The following KLK15 variants were observed in gnomAD, a reference collection of about 807,000 sequenced individuals.
The protein encoded by KLK15 is kallikrein related peptidase 15, also known as kallikrein-15.
KLK15 carries 19 observed loss-of-function variants against 21.1 expected under a neutral mutation model. That is an observed-to-expected ratio of 0.90 (90% confidence interval 0.63 to 1.32). The LOEUF is 1.32. KLK15 is among the 40% of genes most tolerant of loss of function. The pLI, the probability that KLK15 is intolerant of heterozygous loss-of-function variation, is 0.00. For missense variants in KLK15, 345 were observed against 348.6 expected (o/e 0.99, Z 0.08); for synonymous variants, 141 against 141.5 (o/e 1.00, Z 0.03).
chr19:50,831,815 C>T (rs1301129559), upstream of KLK15, among the ~76,000 whole-genome samples: 1 of 143,136 alleles, frequency 7.0e-6, no homozygotes, highest in Non-Finnish European at 1.5e-5. Context: ...CCTGTCCCAA[C>T]TTTTTTTTTT....
intron 1 of KLK15, among the ~76,000 whole-genome samples, chr19:50,829,665 C>G (rs2089947850): frequency 6.6e-6 from 1 of 151,436 alleles, no homozygotes; most frequent in African/African-American, 2.4e-5. Flanking sequence ...AATAAAAATA[C>G]AAAAATCAGC....
chr19:50,831,979 T>C (rs926164095), upstream of KLK15, among the ~76,000 whole-genome samples: 2 of 151,656 alleles, frequency 1.3e-5, no homozygotes, highest in Non-Finnish European at 2.9e-5. Flanking sequence ...GCCCGGCTAA[T>C]TTTTTGGAAA....
At chr19:50,832,322 CTTTTTT>C (rs773163899), upstream of KLK15, among the ~76,000 whole-genome samples, 8 of 109,440 alleles carry the variant, frequency 7.3e-5, no homozygotes, top group Non-Finnish European at 1.3e-4. Flanking sequence ...CTTTTTTTTT[CTTTTTT>C]TTTTTTTTTT....
chr19:50,827,604 T>G, intron 2 of KLK15, 58 bp downstream of exon 3: 5 of 1,557,804 alleles, frequency 3.2e-6, no homozygotes, highest in Non-Finnish European at 4.4e-6. Flanking sequence ...CCCCCAAATC[T>G]AGGAGCTCTT....
chr19:50,829,881 G>A (rs2089952662), intron 1 of KLK15, among the ~76,000 whole-genome samples: 2 of 151,750 alleles, frequency 1.3e-5, no homozygotes, highest in East Asian at 3.9e-4. Context: ...AAGACATTTT[G>A]TAGAGTTAGA....
chr19:50,827,069 C>T lies in KLK15; in HGVS notation c.290G>A (p.Arg97His), dbSNP rs142207435. 1,370 of 1,606,384 alleles carry T rather than the reference C, an allele frequency of 8.5e-4. 11 individuals are homozygous for T. The African/African-American group carries it at 0.015, about 18-fold the overall frequency. ...GTTGCGGTGGCTGCGCGCTTCGTAG[C>T]GCGGGTGTGGAATGACCCGAGACGT... The change falls in exon 3 of 5, where the codon CGC becomes CAC. Residue 97 changes from arginine (R) to histidine (H), a missense_variant. By Grantham distance (29) the Arg-to-His change is conservative. Coordinates refer to ENST00000598239, the Ensembl canonical transcript of KLK15.
chr19:50,827,890 C>T, intron 1 of KLK15, 75 bp from the exon 3 acceptor site: 1 of 1,412,230 alleles, frequency 7.1e-7, no homozygotes. Context: ...GCACCCTGCC[C>T]TAACTACTAT....
upstream of KLK15, among the ~76,000 whole-genome samples, chr19:50,832,326 T>TTC (rs780158033): frequency 0.024 from 1,469 of 61,158 alleles, 26 homozygotes; most frequent in African/African-American, 0.044. Flanking sequence ...TTTTTTCTTT[T>TTC]TTTTTTTTTT....
At chr19:50,827,219 T>C in intron 2 of KLK15, 58 bp from the exon 4 acceptor site, 1 of 1,503,128 alleles carries the variant, frequency 6.7e-7, no homozygotes, top group South Asian at 1.3e-5. Flanking sequence ...TACCCGCAAG[T>C]AGAGGACAGA....
At chr19:50,828,152 G>T (rs372714924) in intron 1 of KLK15, among the ~76,000 whole-genome samples, 4 of 151,500 alleles carry the variant, frequency 2.6e-5, no homozygotes, top group African/African-American at 9.7e-5. Context: ...CACCATGTTA[G>T]CCAGGGTAGT....
intron 1 of KLK15, among the ~76,000 whole-genome samples, chr19:50,829,680 C>T (rs1035527791): frequency 1.3e-5 from 2 of 151,666 alleles, no homozygotes; most frequent in Non-Finnish European, 1.5e-5. Context: ...ATCAGCTGGG[C>T]GTGGTGGTGC....
At chr19:50,831,104 G>A (rs1164756466) in intron 1 of KLK15, 2 of 215,350 alleles carry the variant, frequency 9.3e-6, no homozygotes, top group East Asian at 9.1e-5. Context: ...TCAAGTGGGT[G>A]CTGTCTTATA....
exon 4 of KLK15, chr19:50,826,690 G>A (rs950357710): frequency 1.2e-6 from 2 of 1,613,928 alleles, no homozygotes; most frequent in Admixed American, 3.3e-5. Context: ...GCCCTGGGTA[G>A]CTCTTGTCAC....
In KLK15 at chr19:50,830,308, C is replaced by T. The variant is rs556336453; in HGVS notation, c.43+1142G>A. Among the ~76,000 whole-genome samples, 112 of 151,966 alleles carry T rather than the reference C, an allele frequency of 7.4e-4. 2 individuals carry two copies. Among genetic ancestry groups the T allele is most frequent in the African/African-American group, 2.5e-3 (105 of 41,526 alleles). On this transcript the variant is annotated intron_variant, in intron 1 of 4. Transcript: ENST00000598239. ...TTGAAGCCATGCACACTCCCACCCA[C>T]ACAGGGGCAGGATTTGCACAGCCAG...
exon 3 of KLK15, chr19:50,826,973 G>C: frequency 6.2e-7 from 1 of 1,606,478 alleles, no homozygotes; most frequent in Non-Finnish European, 8.5e-7. Context: ...GGGGCAACGC[G>C]TGGGTAGCAC....
chr19:50,831,878 G>A (rs144490625), upstream of KLK15, among the ~76,000 whole-genome samples: 5,120 of 150,788 alleles, frequency 0.034, 291 homozygotes, highest in African/African-American at 0.12. Flanking sequence ...GTGGCACAAT[G>A]TCGGCTCACT....
intron 1 of KLK15, among the ~76,000 whole-genome samples, chr19:50,829,657 T>A (rs1170030730): frequency 6.6e-6 from 1 of 151,326 alleles, no homozygotes; most frequent in East Asian, 1.9e-4. Flanking sequence ...AATAAATAAA[T>A]AAAAATACAA....
At chr19:50,825,661 C>T (rs551453207), downstream of KLK15, 37 of 843,756 alleles carry the variant, frequency 4.4e-5, no homozygotes, top group Non-Finnish European at 5.5e-5. Context: ...TCAGGTGGGA[C>T]AAGTCCTTGG....
upstream of KLK15, among the ~76,000 whole-genome samples, chr19:50,833,455 G>A (rs986290541): frequency 6.6e-6 from 1 of 152,138 alleles, no homozygotes; most frequent in African/African-American, 2.4e-5. Flanking sequence ...CGTGGTCAAC[G>A]TTTCCCCTTG....
Sources: allele counts gnomAD v4.1 joint callset (sites outside exome capture counted in the v4.1 genomes callset), GRCh38; gene constraint gnomAD v4.1.1; transcripts MANE v1.5; gene names NCBI Gene and HGNC (gene_info 2026-07-23, HGNC 2026-07-21).